Variants in PRKN observed in about 807,000 individuals in gnomAD.
The protein encoded by PRKN is E3 ubiquitin-protein ligase parkin.
In PRKN, 56 loss-of-function variants were observed where a neutral mutation model predicts 59.5. That is an observed-to-expected ratio of 0.94 (90% CI 0.76 to 1.18). The LOEUF (loss-of-function observed/expected upper bound fraction) is 1.18, where lower values mean the gene tolerates loss of function less well. PRKN is among the 50% of genes most tolerant of loss of function. PRKN has a pLI of 0.00. For missense variants in PRKN, 657 were observed against 596.4 expected (o/e 1.10, Z -1.06); for synonymous variants, 250 against 222.1 (o/e 1.13, Z -1.12).
At chr6:162,301,240 G>A (rs142677060) in intron 2 of PRKN, among the ~76,000 whole-genome samples, 3 of 152,044 alleles carry the variant, frequency 2.0e-5, no homozygotes, top group South Asian at 2.1e-4. Flanking sequence ...GTAAAGTAGC[G>A]CGTCCATGGA....
chr6:161,749,182 T>A (rs575396519), intron 7 of PRKN, among the ~76,000 whole-genome samples: 1 of 152,336 alleles, frequency 6.6e-6, no homozygotes, highest in Non-Finnish European at 1.5e-5. Flanking sequence ...CAATGTCTAC[T>A]GGGACCTAGA....
chr6:161,868,522 A>G (rs2128226152), intron 6 of PRKN, among the ~76,000 whole-genome samples: 1 of 152,272 alleles, frequency 6.6e-6, no homozygotes, highest in South Asian at 2.1e-4. Flanking sequence ...CAGAGGTTGC[A>G]GTGAGCTGAG....
rs560655971 is a variant in PRKN at position 161,370,591 on chromosome 6, C to CAAAAAAAAA, written c.1168-10395_1168-10387dup. Among the ~76,000 whole-genome samples the CAAAAAAAAA allele has an allele frequency of 5.9e-4, 34 of 57,822 alleles. 1 individual carries two copies. The highest frequency in any genetic ancestry group is 1.8e-3 in the African/African-American group (21 of 11,780). The allele number at this position is 57,822 out of a possible 152,430, so 37.9% of individuals were successfully genotyped here. ...TGGGCGACAGAGCAAGACTCTGTGT[C>CAAAAAAAAA]AAAAAAAAAAAAAAAAAAAAGCCGA... is the stretch of plus-strand genomic sequence containing the variant. On this transcript the variant is annotated intron_variant, in intron 10 of 11. Coordinates refer to ENST00000366898, the MANE Select transcript of PRKN (RefSeq NM_004562.3).
intron 5 of PRKN, among the ~76,000 whole-genome samples, chr6:162,022,831 TG>T (rs1405427779): frequency 7.2e-5 from 11 of 152,220 alleles, no homozygotes; most frequent in Admixed American, 7.2e-4. Context: ...AGTTAATTTT[TG>T]CATACGGTGA....
chr6:161,593,889 T>C lies in PRKN; in HGVS notation c.872-24473A>G, dbSNP rs1426740166. Among the ~76,000 whole-genome samples the C allele has an allele frequency of 6.6e-6, 1 of 151,872 alleles. No individual in the cohort carries two copies. The highest frequency in any genetic ancestry group is 2.4e-5 in the African/African-American group (1 of 41,316). On this transcript the variant is annotated intron_variant, in intron 7 of 11. Transcript: ENST00000366898. This position sits in a 1 kb window ranked among gnomAD's most constrained non-coding sequence, Gnocchi z 4.8. ...GCTGGAGGCCGGGCGCAGTGGCTCA[T>C]GCCTGTAATCCCAGCACTTTGGGAG...
At chr6:162,187,565 C>T (rs975448876) in intron 4 of PRKN, among the ~76,000 whole-genome samples, 1 of 152,142 alleles carries the variant, frequency 6.6e-6, no homozygotes, top group Non-Finnish European at 1.5e-5. Context: ...CAGCCTAATG[C>T]AGGCCCAGCA....
At chr6:162,437,108 T>C (rs950550596) in intron 2 of PRKN, among the ~76,000 whole-genome samples, 1 of 141,996 alleles carries the variant, frequency 7.0e-6, no homozygotes, top group Non-Finnish European at 1.5e-5. Flanking sequence ...AATAAATAAA[T>C]AAATAAAAAA....
Position 161,581,278 on chromosome 6 carries a change from T to G in PRKN, c.872-11862A>C, listed in dbSNP as rs752045337. Among the ~76,000 whole-genome samples the G allele has an allele frequency of 6.6e-6, 1 of 152,300 alleles. No homozygotes were observed. Among genetic ancestry groups the G allele is most frequent in the Non-Finnish European group, 1.5e-5 (1 of 68,024 alleles). Reference sequence around the variant, plus strand: ...GAACTTTCATAGGCATGAGTAAAGCTACTGCAGTGAAAGAACCTGTCAAAG... The same window carrying G: ...GAACTTTCATAGGCATGAGTAAAGCGACTGCAGTGAAAGAACCTGTCAAAG... On this transcript the variant is annotated intron_variant, in intron 7 of 11. Coordinates refer to ENST00000366898, the MANE Select transcript of PRKN (RefSeq NM_004562.3). This position sits in a 1 kb window ranked among gnomAD's most constrained non-coding sequence, Gnocchi z 4.5.
chr6:162,673,799 T>G (rs1779430263), intron 1 of PRKN, among the ~76,000 whole-genome samples: 1 of 152,128 alleles, frequency 6.6e-6, no homozygotes. Flanking sequence ...CAACACTCAA[T>G]CATACGTTCA....
chr6:161,888,602 G>A lies in PRKN; in HGVS notation c.734+84700C>T, dbSNP rs117364628. ...GGGGAACTATATTTACATTTTTTCC[G>A]GTTGATTTTCACACATTGTGACAGT... On this transcript the variant is annotated intron_variant, in intron 6 of 11. Transcript: ENST00000366898. Among the ~76,000 whole-genome samples, 14 of 152,184 alleles carry A rather than the reference G, an allele frequency of 9.2e-5. No individual in the cohort carries two copies. The East Asian group carries it at 2.5e-3, about 27-fold the overall frequency.
At chr6:161,591,036 C>T (rs1439420305) in intron 7 of PRKN, among the ~76,000 whole-genome samples, 6 of 152,120 alleles carry the variant, frequency 3.9e-5, no homozygotes, top group South Asian at 4.1e-4. Flanking sequence ...GATCATTATA[C>T]TGTGGTTACA....
At chr6:162,284,662 A>C (rs1424308635) in intron 2 of PRKN, among the ~76,000 whole-genome samples, 6 of 152,180 alleles carry the variant, frequency 3.9e-5, no homozygotes, top group Non-Finnish European at 8.8e-5. Flanking sequence ...TTCTTTTCAA[A>C]ATGAACAAGA....
At chr6:162,139,378 A>C (rs1311320765) in intron 4 of PRKN, among the ~76,000 whole-genome samples, 1 of 152,238 alleles carries the variant, frequency 6.6e-6, no homozygotes, top group Non-Finnish European at 1.5e-5. Flanking sequence ...AAGAGCGGAC[A>C]ACTGTGGAAA....
intron 1 of PRKN, among the ~76,000 whole-genome samples, chr6:162,695,832 A>G (rs563431903): frequency 6.6e-6 from 1 of 152,366 alleles, no homozygotes; most frequent in South Asian, 2.1e-4. Flanking sequence ...AATAAAAAGT[A>G]TCAATAGTAA....
intron 7 of PRKN, among the ~76,000 whole-genome samples, chr6:161,615,132 A>G (rs760279745): frequency 4.5e-4 from 68 of 152,242 alleles, no homozygotes; most frequent in Middle Eastern, 3.4e-3. Flanking sequence ...AAAAACTGTA[A>G]TTTCTTTTGC....
At chr6:162,519,733 G>A (rs1778010984) in intron 1 of PRKN, among the ~76,000 whole-genome samples, 1 of 152,056 alleles carries the variant, frequency 6.6e-6, no homozygotes. Context: ...TATATCTGAT[G>A]CTTAACCCAT....
chr6:162,710,770 A>T (rs1338426016), intron 1 of PRKN, among the ~76,000 whole-genome samples: 1 of 152,180 alleles, frequency 6.6e-6, no homozygotes, highest in African/African-American at 2.4e-5. Context: ...CTTTAAAAAA[A>T]AACAAAAAAG....
At position 161,462,015 on chromosome 6, in the gene PRKN, G is replaced by A. The variant is rs148035070; in HGVS notation, c.1084-75138C>T. On this transcript the variant is annotated intron_variant, in intron 9 of 11. Coordinates refer to ENST00000366898, the MANE Select transcript of PRKN (RefSeq NM_004562.3). The surrounding 1 kb of genome is among the most constrained non-coding windows in gnomAD (Gnocchi z 4.5). Reference sequence around the variant, plus strand: ...ATGTGGGCTGTGAAGGATGGCAATGGTGGGGGAAGATGGCTGGAAAGGTGG... The same window carrying A: ...ATGTGGGCTGTGAAGGATGGCAATGATGGGGGAAGATGGCTGGAAAGGTGG... Among the ~76,000 whole-genome samples, 657 of 152,286 alleles carry A rather than the reference G, an allele frequency of 4.3e-3. 5 individuals carry two copies. The highest frequency in any genetic ancestry group is 0.015 in the African/African-American group (632 of 41,550).
In PRKN at chr6:161,914,120, T is replaced by A. The variant is rs566846869; in HGVS notation, c.734+59182A>T. Among the ~76,000 whole-genome samples, 4 of 152,328 alleles carry A rather than the reference T, an allele frequency of 2.6e-5. No homozygotes were observed. In the South Asian group the frequency reaches 8.3e-4, roughly 32 times the overall value. On this transcript the variant is annotated intron_variant, in intron 6 of 11. Transcript: ENST00000366898. ...TGCTCATGAAGCATCATTTGTAATA[T>A]CTTAAATGTTGGAAAATTCTACATG... is the stretch of plus-strand genomic sequence containing the variant.
Sources: gnomAD v4.1 joint callset for allele counts (sites outside exome capture counted in the v4.1 genomes callset) on GRCh38, gnomAD v4.1.1 for gene constraint, Gnocchi (gnomAD v3.1) non-coding constraint, MANE v1.5 for transcripts, NCBI Gene and HGNC (gene_info 2026-07-23, HGNC 2026-07-21) for gene names.